VPS35L: variants seen among roughly 807,000 people sequenced by gnomAD.
The protein encoded by VPS35L is VPS35 endosomal protein sorting factor like, also known as VPS35 endosomal protein-sorting factor-like.
In VPS35L, 83 loss-of-function variants were observed where a neutral mutation model predicts 133.0. That is an observed-to-expected ratio of 0.62 (90% CI 0.52 to 0.75). The LOEUF is 0.75. VPS35L is among the 30% of genes least tolerant of loss of function. VPS35L has a pLI of 0.00. For missense variants in VPS35L, 1,083 were observed against 1,206.8 expected (o/e 0.90, Z 1.52); for synonymous variants, 423 against 449.9 (o/e 0.94, Z 0.76).
At chr16:19,585,006 T>A (rs1971820285) in intron 7 of VPS35L, among the ~76,000 whole-genome samples, 1 of 152,232 alleles carries the variant, frequency 6.6e-6, no homozygotes, top group South Asian at 2.1e-4. Flanking sequence ...CTTTTGTCCA[T>A]TTTTTAATTG....
chr16:19,679,405 C>T (rs991125583), intron 27 of VPS35L, among the ~76,000 whole-genome samples: 2 of 140,504 alleles, frequency 1.4e-5, no homozygotes, highest in African/African-American at 5.1e-5. Context: ...CACCACCACA[C>T]GTGGCTAATT....
At position 19,559,296 on chromosome 16, in the gene VPS35L, G is replaced by A. The variant is rs114529091; in HGVS notation, c.17+3550G>A. On this transcript the variant is annotated intron_variant, in intron 1 of 30. Transcript: ENST00000417362. ...CTGTAGGCCTGGGGTATTTCAGCCCGCCCAGGTGATGTCATTGCTGGTGAT... is the reference window on the plus strand; with the variant it reads ...CTGTAGGCCTGGGGTATTTCAGCCCACCCAGGTGATGTCATTGCTGGTGAT... Among the ~76,000 whole-genome samples, 980 of 152,266 alleles carry A rather than the reference G, an allele frequency of 6.4e-3. 16 individuals are homozygous for A. Among genetic ancestry groups the A allele is most frequent in the African/African-American group, 0.022 (917 of 41,544 alleles).
At chr16:19,666,877 TTTCTTTCTTTCTTTCTTTCTTTC>T in intron 26 of VPS35L, among the ~76,000 whole-genome samples, 1 of 77,678 alleles carries the variant, frequency 1.3e-5, no homozygotes, top group South Asian at 5.9e-4. Flanking sequence ...CATGTTTTTC[TTTCTTTCTTTCTTTCTTTCTTTC>T]TTTCTTTCTT....
chr16:19,573,429 G>A (rs775238602), intron 4 of VPS35L, 188 bp downstream of exon 4: 2 of 579,376 alleles, frequency 3.5e-6, no homozygotes, highest in Non-Finnish European at 5.6e-6. Flanking sequence ...GTGCTGACAG[G>A]TTTCCCAAAA....
intron 2 of VPS35L, 83 bp downstream of exon 2, chr16:19,565,033 C>A: frequency 9.3e-7 from 1 of 1,069,546 alleles, no homozygotes; most frequent in Non-Finnish European, 1.4e-6. Context: ...TTCCGTTTTG[C>A]CAGTGGTAGC....
intron 8 of VPS35L, among the ~76,000 whole-genome samples, chr16:19,595,652 C>T (rs1033776025): frequency 2.3e-4 from 35 of 152,230 alleles, no homozygotes; most frequent in African/African-American, 7.7e-4. Flanking sequence ...ACAGCTCACT[C>T]ACCTTGCAAG....
chr16:19,569,175 C>A, intron 2 of VPS35L: 1 of 655,592 alleles, frequency 1.5e-6, no homozygotes, highest in Non-Finnish European at 2.8e-6. Context: ...CCATCTCAGT[C>A]CAGTGACCTC....
chr16:19,700,248 C>T, intron 30 of VPS35L, 130 bp from the exon 31 acceptor site: 1 of 733,104 alleles, frequency 1.4e-6, no homozygotes, highest in East Asian at 2.7e-5. Context: ...TTCTTCCCTC[C>T]TCTCATCCCT....
intron 5 of VPS35L, 165 bp from the exon 6 acceptor site, chr16:19,578,887 C>T (rs2289288): frequency 0.095 from 63,686 of 669,634 alleles, 5,429 homozygotes; most frequent in East Asian, 0.34. Flanking sequence ...CGATGGAATT[C>T]TGGTTACATA....
At chr16:19,657,848 T>G (rs1264975962) in intron 26 of VPS35L, among the ~76,000 whole-genome samples, 1 of 152,236 alleles carries the variant, frequency 6.6e-6, no homozygotes, top group African/African-American at 2.4e-5. Flanking sequence ...CTATTTAGTT[T>G]AGTTAACAGA....
chr16:19,601,281 G>T (rs1972374299), intron 8 of VPS35L, among the ~76,000 whole-genome samples: 1 of 152,136 alleles, frequency 6.6e-6, no homozygotes, highest in African/African-American at 2.4e-5. Context: ...AAAACACTTT[G>T]TGGGCTGTTG....
intron 27 of VPS35L, among the ~76,000 whole-genome samples, chr16:19,674,720 C>G (rs954391829): frequency 6.6e-6 from 1 of 152,022 alleles, no homozygotes; most frequent in African/African-American, 2.4e-5. Flanking sequence ...TCTTCATTCC[C>G]CTACCCCCAC....
chr16:19,637,546 T>G (rs1973659038), intron 19 of VPS35L, 48 bp from the exon 20 acceptor site: 1 of 1,379,128 alleles, frequency 7.3e-7, no homozygotes, highest in Admixed American at 2.3e-5. Context: ...AAGAAATTTT[T>G]AAAAATTAAG....
intron 14 of VPS35L, among the ~76,000 whole-genome samples, chr16:19,623,089 A>G (rs1196302358): frequency 1.3e-5 from 2 of 152,086 alleles, no homozygotes; most frequent in Admixed American, 6.6e-5. Flanking sequence ...CCTTTCTCCA[A>G]ATCCCCCCGA....
At chr16:19,623,857 G>A (rs865890133) in intron 14 of VPS35L, among the ~76,000 whole-genome samples, 1 of 147,374 alleles carries the variant, frequency 6.8e-6, no homozygotes, top group South Asian at 2.1e-4. Flanking sequence ...AGGCTGAAGT[G>A]CTGTGGTGCA....
intron 2 of VPS35L, among the ~76,000 whole-genome samples, chr16:19,567,437 C>T (rs745320838): frequency 5.9e-5 from 9 of 152,148 alleles, no homozygotes; most frequent in Non-Finnish European, 1.3e-4. Context: ...GAACAGAGTT[C>T]ACCCCACCAG....
chr16:19,608,318 C>T, intron 10 of VPS35L, 44 bp downstream of exon 10: 1 of 1,366,250 alleles, frequency 7.3e-7, no homozygotes, highest in South Asian at 1.2e-5. Flanking sequence ...TAAAGATAGG[C>T]TAAAAGAATT....
intron 29 of VPS35L, among the ~76,000 whole-genome samples, chr16:19,693,726 G>A (rs1034580559): frequency 4.6e-5 from 7 of 151,990 alleles, no homozygotes; most frequent in African/African-American, 7.2e-5. Context: ...GGAGGTTGCC[G>A]TGAGCCCAGA....
At chr16:19,598,576 G>C (rs566020930) in intron 8 of VPS35L, among the ~76,000 whole-genome samples, 3 of 152,104 alleles carry the variant, frequency 2.0e-5, no homozygotes, top group Non-Finnish European at 4.4e-5. Flanking sequence ...TTGAGCCCAG[G>C]AGTTCAAGAC....
Sources: gnomAD v4.1 joint callset for allele counts (sites outside exome capture counted in the v4.1 genomes callset) on GRCh38, gnomAD v4.1.1 for gene constraint, MANE v1.5 for transcripts, NCBI Gene and HGNC (gene_info 2026-07-23, HGNC 2026-07-21) for gene names.